Variants in SEMA6D observed in about 807,000 individuals in gnomAD.
SEMA6D encodes semaphorin 6D.
Under a neutral mutation model 106.6 loss-of-function variants are expected in SEMA6D, and 35 were observed. That is an observed-to-expected ratio of 0.33 (90% CI 0.25 to 0.44). The LOEUF (loss-of-function observed/expected upper bound fraction) is 0.44. SEMA6D is among the 20% of genes least tolerant of loss of function. The pLI is 1.00. For synonymous variants in SEMA6D, 499 were observed against 487.7 expected (o/e 1.02, Z -0.31); for missense variants, 1,185 against 1,345.9 (o/e 0.88, Z 1.87).
chr15:47,266,352 G>A (rs1595582309), intron 1 of SEMA6D, among the ~76,000 whole-genome samples: 1 of 151,846 alleles, frequency 6.6e-6, no homozygotes, highest in Non-Finnish European at 1.5e-5. Flanking sequence ...CTTCCTCTCG[G>A]GCAAAATCTC....
chr15:47,277,616 A>T (rs867969725), intron 1 of SEMA6D, among the ~76,000 whole-genome samples: 1 of 137,214 alleles, frequency 7.3e-6, no homozygotes, highest in African/African-American at 2.9e-5. Flanking sequence ...ATTATTATTT[A>T]TTATTATTAT....
intron 1 of SEMA6D, among the ~76,000 whole-genome samples, chr15:47,203,969 A>G (rs1197578158): frequency 6.6e-6 from 1 of 152,198 alleles, no homozygotes; most frequent in Non-Finnish European, 1.5e-5. Flanking sequence ...ATAATTTGAC[A>G]ATAAAATATC....
intron 1 of SEMA6D, among the ~76,000 whole-genome samples, chr15:47,335,582 G>T (rs2037520509): frequency 6.6e-6 from 1 of 152,074 alleles, no homozygotes; most frequent in Non-Finnish European, 1.5e-5. Context: ...CCAGATTATG[G>T]TAAATTCTGT....
chr15:47,471,487 A>C (rs903088613), intron 3 of SEMA6D, among the ~76,000 whole-genome samples: 1 of 152,072 alleles, frequency 6.6e-6, no homozygotes, highest in African/African-American at 2.4e-5. Flanking sequence ...TCCTTCAGTA[A>C]TTTTCTTGAT....
chr15:47,461,238 A>T (rs910047096), intron 2 of SEMA6D, among the ~76,000 whole-genome samples: 1 of 151,890 alleles, frequency 6.6e-6, no homozygotes, highest in Non-Finnish European at 1.5e-5. Flanking sequence ...CCTGCACCTC[A>T]TCATCTCATC....
At chr15:47,207,005 A>C (rs572732802) in intron 1 of SEMA6D, among the ~76,000 whole-genome samples, 12 of 152,286 alleles carry the variant, frequency 7.9e-5, no homozygotes, top group African/African-American at 2.4e-4. Context: ...ACCACTACTC[A>C]TGAAGGAGGC....
chr15:47,681,892 T>G (rs2078361171), intron 4 of SEMA6D, among the ~76,000 whole-genome samples: 1 of 152,210 alleles, frequency 6.6e-6, no homozygotes, highest in Admixed American at 6.5e-5. Context: ...GTTGGCAAAA[T>G]TTCTCAAGTG....
intron 1 of SEMA6D, among the ~76,000 whole-genome samples, chr15:47,256,895 G>T (rs1019290707): frequency 6.6e-6 from 1 of 151,884 alleles, no homozygotes; most frequent in Non-Finnish European, 1.5e-5. Flanking sequence ...CTAAAATATT[G>T]TGTATATATT....
chr15:47,368,893 C>G (rs1416974508), intron 1 of SEMA6D, among the ~76,000 whole-genome samples: 3 of 152,156 alleles, frequency 2.0e-5, no homozygotes, highest in Non-Finnish European at 4.4e-5. Flanking sequence ...GCTTCTTGAT[C>G]CCTTTAGAAC....
intron 4 of SEMA6D, among the ~76,000 whole-genome samples, chr15:47,630,186 C>T (rs967942637): frequency 1.3e-5 from 2 of 151,822 alleles, no homozygotes; most frequent in Non-Finnish European, 3.0e-5. Flanking sequence ...TATAAGATTT[C>T]CTTTTTCTCT....
At chr15:47,729,999 C>T in intron 1 of SEMA6D, 1 of 511,408 alleles carries the variant, frequency 2.0e-6, no homozygotes, top group Non-Finnish European at 3.5e-6. Flanking sequence ...GTCTATATGA[C>T]CTCCAGAGTT....
rs2076412057 is a variant in SEMA6D at position 47,590,172 on chromosome 15, C to A, written c.-86-10693C>A. Among the ~76,000 whole-genome samples the A allele has an allele frequency of 2.6e-5, 4 of 152,198 alleles. No homozygotes were observed. The South Asian group carries it at 6.2e-4, about 24-fold the overall frequency. On this transcript the variant is annotated intron_variant, in intron 3 of 19. Coordinates refer to the SEMA6D transcript ENST00000558014. ...TAGACTGGATTAAGAAAATGTGGCACAGATACACCATGGAATACTATGCAG... is the reference window on the plus strand; with the variant it reads ...TAGACTGGATTAAGAAAATGTGGCAAAGATACACCATGGAATACTATGCAG...
At chr15:47,426,624 C>A (rs371934386) in intron 2 of SEMA6D, among the ~76,000 whole-genome samples, 1 of 152,018 alleles carries the variant, frequency 6.6e-6, no homozygotes, top group Non-Finnish European at 1.5e-5. Context: ...AGATTTTGGT[C>A]TTTTATTTAC....
At chr15:47,459,736 A>G (rs1291980372) in intron 2 of SEMA6D, among the ~76,000 whole-genome samples, 1 of 152,112 alleles carries the variant, frequency 6.6e-6, no homozygotes, top group Non-Finnish European at 1.5e-5. Flanking sequence ...CTTTGCACTT[A>G]AACCAATATT....
chr15:47,758,660 A>C (rs1358074240), intron 1 of SEMA6D, among the ~76,000 whole-genome samples: 1 of 152,192 alleles, frequency 6.6e-6, no homozygotes, highest in Admixed American at 6.5e-5. Flanking sequence ...TTAATGTACA[A>C]TTTGATTAAA....
intron 1 of SEMA6D, among the ~76,000 whole-genome samples, chr15:47,353,428 C>G (rs2038408496): frequency 6.6e-6 from 1 of 152,164 alleles, no homozygotes; most frequent in Non-Finnish European, 1.5e-5. Context: ...ATACCGTATG[C>G]TTCTAACAAA....
At chr15:47,764,412 G>A in intron 11 of SEMA6D, 107 bp downstream of exon 11, 5 of 1,387,886 alleles carry the variant, frequency 3.6e-6, no homozygotes, top group South Asian at 2.9e-5. Flanking sequence ...CCAGGAAGGG[G>A]TCCCTCTCTC....
intron 1 of SEMA6D, among the ~76,000 whole-genome samples, chr15:47,301,321 T>A (rs759683504): frequency 2.0e-5 from 3 of 152,214 alleles, no homozygotes; most frequent in Non-Finnish European, 2.9e-5. Context: ...CAGGAAATGC[T>A]AGAGGGAGCA....
chr15:47,666,312 T>G lies in SEMA6D; in HGVS notation c.-55+65416T>G, dbSNP rs2078025525. 1.3e-5 allele frequency among the ~76,000 whole-genome samples: 2 copies of G among 152,186 alleles called. 1 individual carries two copies. Among genetic ancestry groups the G allele is most frequent in the South Asian group, 4.1e-4 (2 of 4,830 alleles). ...GGCCCAGACACGTCTCTATATGTAA[T>G]GGCAAGAGCCTTGCCCTAAGAAAAC... On this transcript the variant is annotated intron_variant, in intron 4 of 19. Coordinates refer to the SEMA6D transcript ENST00000558014.
Sources: allele counts gnomAD v4.1 joint callset (sites outside exome capture counted in the v4.1 genomes callset), GRCh38; gene constraint gnomAD v4.1.1; transcripts MANE v1.5; gene names NCBI Gene and HGNC (gene_info 2026-07-23, HGNC 2026-07-21).